The following ENPP7 variants were observed in gnomAD, a reference collection of about 807,000 sequenced individuals.
ENPP7 encodes ectonucleotide pyrophosphatase/phosphodiesterase family member 7.
In ENPP7, 39 loss-of-function variants were observed where a neutral mutation model predicts 33.6. The ratio of observed to expected loss-of-function variants is 1.16; its 90% CI spans 0.90 to 1.52. ENPP7 has a LOEUF of 1.52. ENPP7 is among the 40% of genes most tolerant of loss of function. The pLI, the probability that ENPP7 is intolerant of heterozygous loss-of-function variation, is 0.00. For synonymous variants in ENPP7, 244 were observed against 274.3 expected, an observed-to-expected ratio of 0.89 and a Z score of 1.09; for missense variants, 594 against 641.0, an observed-to-expected ratio of 0.93 and a Z score of 0.79.
chr17:79,735,747 C>T lies in ENPP7; in HGVS notation c.1026+78C>T. ...GGTCTTCTTTTTTTTTTTTTGAGAC[C>T]AGGGTCTTGCTCTGTTGCCCAGGCT... On this transcript the variant is annotated intron_variant, in intron 3 of 5. Transcript: ENST00000328313. The surrounding 1 kb of genome is among the most constrained non-coding windows in gnomAD (Gnocchi z 5.5). 1 of 1,324,714 alleles carries T rather than the reference C, an allele frequency of 7.5e-7. No homozygotes were observed. Among genetic ancestry groups the T allele is most frequent in the South Asian group, 1.4e-5 (1 of 70,342 alleles). The allele number at this position is 1,324,714 out of a possible 1,614,324, so 82.1% of individuals were successfully genotyped here. A position where few individuals can be genotyped will look rare whatever the true frequency, so the allele number is the denominator to read the frequency against.
chr17:79,731,514 G>A, intron 1 of ENPP7, 122 bp downstream of exon 1: 1 of 1,223,478 alleles, frequency 8.2e-7, no homozygotes, highest in Non-Finnish European at 1.1e-6. Context: ...CAGAGCCAAG[G>A]GGACCATTAG....
At chr17:79,734,702 T>G (rs1181601132) in intron 2 of ENPP7, among the ~76,000 whole-genome samples, 1 of 152,002 alleles carries the variant, frequency 6.6e-6, no homozygotes, top group Non-Finnish European at 1.5e-5. Flanking sequence ...ATGGTCTCCA[T>G]CTCCTGACCT....
intron 1 of ENPP7, 90 bp downstream of exon 1, chr17:79,731,482 G>A: frequency 2.1e-6 from 3 of 1,450,134 alleles, no homozygotes; most frequent in Admixed American, 2.3e-5. Context: ...AAAGGGGAGA[G>A]GTCCTTGCTC....
chr17:79,735,380 AC>A lies in ENPP7; in HGVS notation c.739del (p.His247ThrfsTer3). 6.2e-7 allele frequency: 1 copy of A among 1,613,948 alleles called. No individual in the cohort carries two copies. Among genetic ancestry groups the A allele is most frequent in the Non-Finnish European group, 8.5e-7 (1 of 1,180,008 alleles). On this transcript the variant is annotated frameshift_variant, in exon 3 of 6. Coordinates refer to ENST00000328313, the MANE Select transcript of ENPP7 (RefSeq NM_178543.5). LOFTEE classifies it high-confidence loss of function. The surrounding 1 kb of genome is among the most constrained non-coding windows in gnomAD (Gnocchi z 5.5). Reference protein sequence around the residue: ...TDRLNLIITSDHGMTTVDKRA... With the variant: ...TDRLNLIITSXHGMTTVDKRA... ...CGCCTCAACCTGATCATCACATCCGACCACGGCATGACGACCGTGGACAAAC... is the reference window on the plus strand; with the variant it reads ...CGCCTCAACCTGATCATCACATCCGACACGGCATGACGACCGTGGACAAAC...
intron 5 of ENPP7, among the ~76,000 whole-genome samples, chr17:79,740,850 C>T (rs533691169): frequency 1.3e-5 from 2 of 152,324 alleles, no homozygotes; most frequent in South Asian, 2.1e-4. Flanking sequence ...GGAAGAAGCC[C>T]GCAGAATCAT....
rs1555823731 is a variant in ENPP7 at position 79,737,057 on chromosome 17, TCAA to T, written c.1047_1049del (p.Asn350del). The T allele has an allele frequency of 6.2e-7, 1 of 1,614,086 alleles. No homozygotes were observed. The highest frequency in any genetic ancestry group is 1.7e-5 in the Admixed American group (1 of 60,024). ...CCCCGGCAGAGAATTAACGTCCAGT[TCAA>T]CAATGGGGAGCACGGCTTTGACAAC... On this transcript the variant is annotated inframe_deletion, in exon 4 of 6. Transcript: ENST00000328313. The surrounding 1 kb of genome is among the most constrained non-coding windows in gnomAD (Gnocchi z 5.5).
rs1218787511 is a variant in ENPP7 at position 79,735,862 on chromosome 17, C to T, written c.1026+193C>T. ...ACCTCAGCCTCCTGAGTAGCTGAGACCACAGGTGCACACCACCATGCCTGG... is the reference window on the plus strand; with the variant it reads ...ACCTCAGCCTCCTGAGTAGCTGAGATCACAGGTGCACACCACCATGCCTGG... On this transcript the variant is annotated intron_variant, in intron 3 of 5. Transcript: ENST00000328313. The surrounding 1 kb of genome is among the most constrained non-coding windows in gnomAD (Gnocchi z 5.5). Among the ~76,000 whole-genome samples the T allele has an allele frequency of 6.6e-6, 1 of 152,116 alleles. No homozygotes were observed. The highest frequency in any genetic ancestry group is 1.5e-5 in the Non-Finnish European group (1 of 68,016).
chr17:79,734,607 A>G (rs2094291915), intron 2 of ENPP7, among the ~76,000 whole-genome samples: 2 of 151,510 alleles, frequency 1.3e-5, no homozygotes, highest in Admixed American at 1.3e-4. Flanking sequence ...CCTCCCAAGT[A>G]ACTGGGACTA....
chr17:79,731,029 A>G lies in ENPP7; in HGVS notation c.-111A>G, dbSNP rs2094284114. 1.7e-5 allele frequency: 21 copies of G among 1,271,500 alleles called. No individual in the cohort carries two copies. In the Admixed American group the frequency reaches 4.2e-4, roughly 26 times the overall value. The allele number at this position is 1,271,500 out of a possible 1,614,324, so 78.8% of individuals were successfully genotyped here. On this transcript the variant is annotated 5_prime_UTR_variant, in exon 1 of 6. Transcript: ENST00000328313. ...TCGACCCGGGGATGTGCACAGCCACATTCCAAAGGCGCACGGGATGAGATC... is the reference window on the plus strand; with the variant it reads ...TCGACCCGGGGATGTGCACAGCCACGTTCCAAAGGCGCACGGGATGAGATC...
chr17:79,736,782 C>T (rs1244544876), intron 3 of ENPP7, among the ~76,000 whole-genome samples: 1 of 152,228 alleles, frequency 6.6e-6, no homozygotes, highest in Non-Finnish European at 1.5e-5. Flanking sequence ...CGGCAGGCCC[C>T]GAAGCCTGGA....
intron 5 of ENPP7, among the ~76,000 whole-genome samples, chr17:79,741,330 A>G (rs1227787214): frequency 6.6e-6 from 1 of 152,218 alleles, no homozygotes; most frequent in Non-Finnish European, 1.5e-5. Context: ...TGTTGAAAGT[A>G]CATGTGGCCA....
chr17:79,734,639 G>A (rs1368362441), intron 2 of ENPP7, among the ~76,000 whole-genome samples: 3 of 152,048 alleles, frequency 2.0e-5, no homozygotes, highest in Admixed American at 6.6e-5. Flanking sequence ...CACCACGCCT[G>A]GCTAATTTTT....
chr17:79,740,174 G>A (rs1489002358), intron 5 of ENPP7, among the ~76,000 whole-genome samples: 1 of 152,122 alleles, frequency 6.6e-6, no homozygotes, highest in Non-Finnish European at 1.5e-5. Flanking sequence ...CTCCACCATG[G>A]GCAAGAGTGA....
chr17:79,732,169 T>TGTATATATATATATATAC (rs2094287961), intron 1 of ENPP7, among the ~76,000 whole-genome samples: 3 of 133,668 alleles, frequency 2.2e-5, no homozygotes, highest in Non-Finnish European at 3.2e-5. Flanking sequence ...TATATATATA[T>TGTATATATATATATATAC]ATGAGGCCAA....
In ENPP7 at chr17:79,737,050, G is replaced by A. The variant is rs530570408; in HGVS notation, c.1036G>A (p.Val346Ile). ...GCCCGCTCCCCGGCAGAGAATTAAC[G>A]TCCAGTTCAACAATGGGGAGCACGG... is the stretch of plus-strand genomic sequence containing the variant. ...LGYVIHGRIN[V>I]QFNNGEHGFD... is the part of the protein sequence containing the mutation. Residue 346 changes from valine to isoleucine, a missense_variant, in exon 4 of 6, where the codon GTC (valine) becomes ATC (isoleucine). Val to Ile is a conservative substitution (Grantham distance 29, BLOSUM62 3). Coordinates refer to ENST00000328313, the MANE Select transcript of ENPP7 (RefSeq NM_178543.5). The surrounding 1 kb of genome is among the most constrained non-coding windows in gnomAD (Gnocchi z 5.5). The A allele has an allele frequency of 6.8e-5, 110 of 1,614,042 alleles. No homozygotes were observed. Among genetic ancestry groups the A allele is most frequent in the East Asian group, 6.0e-4 (27 of 44,874 alleles).
chr17:79,739,598 A>C lies in ENPP7; in HGVS notation c.*16+1536A>C, dbSNP rs1187699692. ...CTTGGGTCCTGAGCCACTTGCTGACATGCTAAACTGTTGGGGACAGGAGTC... is the reference window on the plus strand; with the variant it reads ...CTTGGGTCCTGAGCCACTTGCTGACCTGCTAAACTGTTGGGGACAGGAGTC... On this transcript the variant is annotated intron_variant, in intron 5 of 5. Transcript: ENST00000328313. The surrounding 1 kb of genome is among the most constrained non-coding windows in gnomAD (Gnocchi z 4.4). The C allele has an allele frequency of 1.3e-5, 2 of 152,296 alleles. No homozygotes were observed. The highest frequency in any genetic ancestry group is 2.9e-5 in the Non-Finnish European group (2 of 68,098). The allele number at this position is 152,296 out of a possible 1,614,324, so 9.4% of individuals were successfully genotyped here. A position where few individuals can be genotyped will look rare whatever the true frequency, so the allele number is the denominator to read the frequency against.
At position 79,737,142 on chromosome 17, in the gene ENPP7, C is replaced by T. The variant is rs782348571; in HGVS notation, c.1128C>T (p.Gly376=). The change falls in exon 4 of 6, where the codon GGC becomes GGT. Residue 376 remains glycine, a synonymous_variant. Transcript: ENST00000328313. The surrounding 1 kb of genome is among the most constrained non-coding windows in gnomAD (Gnocchi z 5.5). ...CTGTGGGCCCTAGCTTCAGGGCGGG[C>T]CTGGAGGTGGAGCCCTTTGAGAGCG... ...FRAVGPSFRA[G]LEVEPFESVH... is the part of the protein sequence containing the mutation. 1.9e-6 allele frequency: 3 copies of T among 1,614,094 alleles called. No homozygotes were observed. Among genetic ancestry groups the T allele is most frequent in the East Asian group, 2.2e-5 (1 of 44,872 alleles).
At chr17:79,741,689 C>T (rs545719728) in intron 5 of ENPP7, 105 bp from the exon 6 acceptor site, 11 of 375,008 alleles carry the variant, frequency 2.9e-5, no homozygotes, top group Admixed American at 6.5e-5. Flanking sequence ...CACGACCCCT[C>T]CCTCCCAGTC....
In ENPP7 at chr17:79,737,071, C is replaced by T. The variant is rs782683145; in HGVS notation, c.1057C>T (p.His353Tyr). ...TAACGTCCAGTTCAACAATGGGGAG[C>T]ACGGCTTTGACAACAAGGACATGGA... ...RINVQFNNGEHGFDNKDMDMK... is the reference protein window; with the variant it reads ...RINVQFNNGEYGFDNKDMDMK... Residue 353 changes from histidine to tyrosine, a missense_variant, in exon 4 of 6, where the codon CAC becomes TAC. By Grantham distance (83) the His-to-Tyr change is moderately conservative. Coordinates refer to ENST00000328313, the MANE Select transcript of ENPP7 (RefSeq NM_178543.5). The surrounding 1 kb of genome is among the most constrained non-coding windows in gnomAD (Gnocchi z 5.5). 10 of 1,614,040 alleles carry T rather than the reference C, an allele frequency of 6.2e-6. No homozygotes were observed. Among genetic ancestry groups the T allele is most frequent in the African/African-American group, 2.7e-5 (2 of 74,944 alleles).
Sources: gnomAD v4.1 joint callset for allele counts (sites outside exome capture counted in the v4.1 genomes callset) on GRCh38, gnomAD v4.1.1 for gene constraint, Gnocchi (gnomAD v3.1) non-coding constraint, MANE v1.5 for transcripts, NCBI Gene and HGNC (gene_info 2026-07-23, HGNC 2026-07-21) for gene names.